AP3S2: variants seen among roughly 807,000 people sequenced by gnomAD.
The protein encoded by AP3S2 is adaptor related protein complex 3 subunit sigma 2.
AP3S2 carries 22 observed loss-of-function variants against 23.4 expected under a neutral mutation model. The ratio of observed to expected loss-of-function variants is 0.94; its 90% CI spans 0.67 to 1.34. AP3S2 has a LOEUF of 1.34. Among genes scored for constraint, AP3S2 ranks in the 40% most tolerant of loss-of-function variants. The pLI is 0.00. For synonymous variants in AP3S2, 86 were observed against 87.1 expected (o/e 0.99, Z 0.07); for missense variants, 241 against 236.9 (o/e 1.02, Z -0.11).
At chr15:89,889,636 C>T (rs1001214076) in intron 1 of AP3S2, among the ~76,000 whole-genome samples, 1 of 151,924 alleles carries the variant, frequency 6.6e-6, no homozygotes, top group Non-Finnish European at 1.5e-5. Flanking sequence ...GAGTTCGAGA[C>T]CAGCCTGACC....
intron 4 of AP3S2, among the ~76,000 whole-genome samples, chr15:89,842,708 G>A (rs1412070076): frequency 1.3e-5 from 2 of 152,186 alleles, no homozygotes; most frequent in African/African-American, 4.8e-5. Flanking sequence ...CACCTCCTGG[G>A]TTCAAGCGAT....
intron 4 of AP3S2, among the ~76,000 whole-genome samples, chr15:89,853,706 G>C (rs1596196029): frequency 7.4e-6 from 1 of 135,418 alleles, no homozygotes; most frequent in African/African-American, 2.8e-5. Context: ...GAAGTGAGGA[G>C]CGTCTCTGCC....
intron 4 of AP3S2, among the ~76,000 whole-genome samples, chr15:89,861,307 T>C (rs558715732): frequency 6.6e-6 from 1 of 152,276 alleles, no homozygotes; most frequent in South Asian, 2.1e-4. Flanking sequence ...TGAAATCTAT[T>C]TAAAAAAAAA....
intron 3 of AP3S2, among the ~76,000 whole-genome samples, chr15:89,881,641 G>A (rs921035515): frequency 1.3e-5 from 2 of 152,050 alleles, no homozygotes; most frequent in African/African-American, 4.8e-5. Context: ...TATTATAGAA[G>A]GCTGACATGG....
chr15:89,835,657 AGAGGC>A lies in AP3S2; in HGVS notation c.454-19_454-15del. 2 of 1,585,376 alleles carry A rather than the reference AGAGGC, an allele frequency of 1.3e-6. No individual in the cohort carries two copies. The highest frequency in any genetic ancestry group is 1.7e-6 in the Non-Finnish European group (2 of 1,165,922). ...TGAAAGGCCACCCTAAGAAGAAATG[AGAGGC>A]GAGTATGAGACAAATTCTCACTGTT... On this transcript the variant is annotated splice_polypyrimidine_tract_variant and intron_variant, in intron 5 of 5. Transcript: ENST00000336418.
rs11435035 is a variant in AP3S2, at chr15:89,850,717, C to CTT, written c.346-12997_346-12996dup. On this transcript the variant is annotated intron_variant, in intron 4 of 5. Coordinates refer to ENST00000336418, the MANE Select transcript of AP3S2 (RefSeq NM_005829.5). ...GTTCAAGGCATTCACTGATTTTTTT[C>CTT]TTTTTTTTTTTTGAGACAGGGTCTT... 1,443 of 147,132 alleles carry CTT rather than the reference C, an allele frequency of 9.8e-3. 34 individuals are homozygous for CTT. Among genetic ancestry groups the CTT allele is most frequent in the African/African-American group, 0.032 (1,274 of 40,068 alleles). 9.1% of individuals were successfully genotyped at this position (147,132 alleles called of 1,614,324 possible).
chr15:89,851,343 C>CT lies in AP3S2; in HGVS notation c.346-13622dup, dbSNP rs111461374. ...TCTTCATGCTCTACTAATTCATCTT[C>CT]TTTTTTTTTTTTTGAGACAGAGTCT... On this transcript the variant is annotated intron_variant, in intron 4 of 5. Coordinates refer to ENST00000336418, the MANE Select transcript of AP3S2 (RefSeq NM_005829.5). 1.3e-3 allele frequency among the ~76,000 whole-genome samples: 188 copies of CT among 145,516 alleles called. 1 individual carries two copies. The highest frequency in any genetic ancestry group is 1.5e-3 in the South Asian group (7 of 4,610).
intron 4 of AP3S2, among the ~76,000 whole-genome samples, chr15:89,838,818 C>T (rs1257671870): frequency 6.6e-6 from 1 of 152,060 alleles, no homozygotes; most frequent in Non-Finnish European, 1.5e-5. Flanking sequence ...GAAAGAATTT[C>T]AGGTAGAAGA....
At chr15:89,868,873 C>T (rs1372967874) in intron 4 of AP3S2, among the ~76,000 whole-genome samples, 1 of 141,856 alleles carries the variant, frequency 7.0e-6, no homozygotes. Context: ...GTGAGGGGCG[C>T]CTCTGCCCGG....
At chr15:89,858,566 A>G (rs928670608) in intron 4 of AP3S2, among the ~76,000 whole-genome samples, 1 of 151,330 alleles carries the variant, frequency 6.6e-6, no homozygotes, top group African/African-American at 2.4e-5. Context: ...AGAAAGAGAA[A>G]CTCTACTTCT....
intron 4 of AP3S2, among the ~76,000 whole-genome samples, chr15:89,849,540 G>T (rs778785725): frequency 6.6e-6 from 1 of 151,910 alleles, no homozygotes; most frequent in Non-Finnish European, 1.5e-5. Flanking sequence ...CTAATTTTTT[G>T]TATTTTTAGT....
At chr15:89,892,672 G>T (rs981152677) in intron 1 of AP3S2, among the ~76,000 whole-genome samples, 5 of 151,518 alleles carry the variant, frequency 3.3e-5, no homozygotes, top group South Asian at 2.1e-4. Context: ...ATACTTTTTT[G>T]TGTGTGTGTG....
At chr15:89,847,708 G>T (rs1895531390) in intron 4 of AP3S2, among the ~76,000 whole-genome samples, 1 of 152,084 alleles carries the variant, frequency 6.6e-6, no homozygotes, top group African/African-American at 2.4e-5. Context: ...CATAAGCAAG[G>T]TATTTAAATT....
At chr15:89,874,793 TA>T (rs556433818) in intron 3 of AP3S2, among the ~76,000 whole-genome samples, 1 of 151,934 alleles carries the variant, frequency 6.6e-6, no homozygotes. Flanking sequence ...AAATAAATTT[TA>T]AAAATAAAAT....
chr15:89,877,334 T>A (rs1896465994), intron 3 of AP3S2: 2 of 1,308,804 alleles, frequency 1.5e-6, no homozygotes, highest in Non-Finnish European at 1.0e-6. Flanking sequence ...TATAGCCTTC[T>A]TGTTCTGATG....
At chr15:89,891,448 C>T (rs974440253) in intron 1 of AP3S2, among the ~76,000 whole-genome samples, 3 of 152,126 alleles carry the variant, frequency 2.0e-5, no homozygotes, top group African/African-American at 7.2e-5. Flanking sequence ...TACTTGTGGT[C>T]AGGAGTTCGA....
intron 3 of AP3S2, among the ~76,000 whole-genome samples, chr15:89,881,280 G>C (rs1250012489): frequency 1.3e-5 from 2 of 152,068 alleles, no homozygotes; most frequent in African/African-American, 4.8e-5. Context: ...AGGGGGCTTG[G>C]GTTTCACTCT....
At chr15:89,868,746 C>T (rs1896232535) in intron 4 of AP3S2, among the ~76,000 whole-genome samples, 3 of 120,612 alleles carry the variant, frequency 2.5e-5, no homozygotes, top group Non-Finnish European at 3.5e-5. Context: ...GTGAGGGGCG[C>T]CTCTGCCCGG....
intron 4 of AP3S2, 105 bp downstream of exon 4, chr15:89,871,368 TAA>T: frequency 2.0e-6 from 2 of 997,198 alleles, no homozygotes; most frequent in Non-Finnish European, 1.5e-6. Context: ...ATCTTAAGAG[TAA>T]AAAAAAACAA....
Sources: gnomAD v4.1 joint callset for allele counts (sites outside exome capture counted in the v4.1 genomes callset) on GRCh38, gnomAD v4.1.1 for gene constraint, MANE v1.5 for transcripts, NCBI Gene and HGNC (gene_info 2026-07-23, HGNC 2026-07-21) for gene names.